The following CD5 variants were observed in gnomAD, a reference collection of about 807,000 sequenced individuals.
The protein encoded by CD5 is CD5 molecule, also known as T-cell surface glycoprotein CD5.
Under a neutral mutation model 60.3 loss-of-function variants are expected in CD5, and 36 were observed. The ratio of observed to expected loss-of-function variants is 0.60; its 90% CI spans 0.46 to 0.79. CD5 has a LOEUF of 0.79. CD5 is among the 30% of genes least tolerant of loss of function. The pLI, the probability that CD5 is intolerant of heterozygous loss-of-function variation, is 0.00. For synonymous variants in CD5, 230 were observed against 257.6 expected, an observed-to-expected ratio of 0.89 and a Z score of 1.03; for missense variants, 540 against 630.6, an observed-to-expected ratio of 0.86 and a Z score of 1.54.
chr11:61,119,516 A>G lies in CD5; in HGVS notation c.746A>G (p.His249Arg). The G allele has an allele frequency of 1.9e-6, 3 of 1,613,982 alleles. No individual in the cohort carries two copies. Among genetic ancestry groups the G allele is most frequent in the Non-Finnish European group, 2.5e-6 (3 of 1,179,984 alleles). ...IQNSSCTSLE[H>R]CFRKIKPQKS... ...AACTCAAGCTGTACCTCCCTGGAGC[A>G]TTGCTTCAGGAAAATCAAGCCCCAG... Residue 249 changes from histidine (H) to arginine (R), a missense_variant, in exon 5 of 11, where the codon CAT becomes CGT. Coordinates refer to ENST00000347785, the MANE Select transcript of CD5 (RefSeq NM_014207.4).
intron 1 of CD5, among the ~76,000 whole-genome samples, chr11:61,103,237 C>G (rs973338270): frequency 6.6e-6 from 1 of 152,244 alleles, no homozygotes; most frequent in Non-Finnish European, 1.5e-5. Context: ...CTCACTCCAG[C>G]CCTGGGTTGT....
chr11:61,106,124 CAAAAAA>C (rs36003583), intron 1 of CD5, among the ~76,000 whole-genome samples: 18 of 81,886 alleles, frequency 2.2e-4, no homozygotes, highest in African/African-American at 7.8e-4. Flanking sequence ...GACTCCATCT[CAAAAAA>C]AAAAAAAAAA....
Position 61,123,907 on chromosome 11 carries a change from T to C in CD5, c.1249T>C (p.Trp417Arg). Reference sequence around the variant, plus strand: ...AGTCCGCCAGAAGAAGCAGCGCCAGTGGATTGGCCCAACGGGAATGAACCA... The same window carrying C: ...AGTCCGCCAGAAGAAGCAGCGCCAGCGGATTGGCCCAACGGGAATGAACCA... ...KKFRQKKQRQWIGPTGMNQNM... is the reference protein window; with the variant it reads ...KKFRQKKQRQRIGPTGMNQNM... Residue 417 changes from tryptophan to arginine, a missense_variant, in exon 8 of 11, where the codon TGG (tryptophan) becomes CGG (arginine). Trp to Arg is a moderately radical substitution (Grantham distance 101). Transcript: ENST00000347785. 1 of 1,597,972 alleles carries C rather than the reference T, an allele frequency of 6.3e-7. No individual in the cohort carries two copies. The highest frequency in any genetic ancestry group is 8.5e-7 in the Non-Finnish European group (1 of 1,170,334).
intron 1 of CD5, among the ~76,000 whole-genome samples, chr11:61,103,609 CTG>C (rs1405608167): frequency 1.4e-5 from 2 of 140,524 alleles, no homozygotes; most frequent in Admixed American, 7.1e-5. Flanking sequence ...CTATGTGTGT[CTG>C]TGTGAGTCTG....
chr11:61,124,391 G>A (rs770749781), intron 8 of CD5, among the ~76,000 whole-genome samples: 3 of 152,146 alleles, frequency 2.0e-5, no homozygotes, highest in East Asian at 1.9e-4. Flanking sequence ...GGGCATTTTT[G>A]TATTGCCCAT....
upstream of CD5, among the ~76,000 whole-genome samples, chr11:61,101,127 ACAT>A (rs1860676111): frequency 9.4e-6 from 1 of 105,994 alleles, no homozygotes; most frequent in African/African-American, 3.4e-5. Flanking sequence ...TCACACACAC[ACAT>A]CAACATGGAG....
chr11:61,099,353 T>C (rs1860624235), upstream of CD5, among the ~76,000 whole-genome samples: 1 of 149,110 alleles, frequency 6.7e-6, no homozygotes. Flanking sequence ...CAAGTCAACA[T>C]GGAGATCACA....
At chr11:61,096,309 A>T in the CD5 span, among the ~76,000 whole-genome samples, 1 of 152,244 alleles carries the variant, frequency 6.6e-6, no homozygotes, top group South Asian at 2.1e-4. Context: ...AGCTTTGTTC[A>T]ATCTGGCTGA....
upstream of CD5, among the ~76,000 whole-genome samples, chr11:61,100,610 A>ACATAT (rs747060629): frequency 2.0e-5 from 1 of 49,114 alleles, no homozygotes; most frequent in Admixed American, 2.3e-4. Context: ...GATCACACAC[A>ACATAT]CAACATGGAG....
At chr11:61,104,649 C>A (rs574403793) in intron 1 of CD5, among the ~76,000 whole-genome samples, 24 of 152,358 alleles carry the variant, frequency 1.6e-4, no homozygotes, top group Non-Finnish European at 2.9e-4. Flanking sequence ...TTCCCAGTGT[C>A]TGAGTGAGCC....
chr11:61,122,294 G>C (rs1234755617), intron 6 of CD5, among the ~76,000 whole-genome samples: 3 of 72,500 alleles, frequency 4.1e-5, no homozygotes, highest in Non-Finnish European at 7.6e-5. Flanking sequence ...ATGGATTGGT[G>C]GGTGGGTGGG....
chr11:61,116,593 T>C (rs1184558560), intron 2 of CD5, among the ~76,000 whole-genome samples: 41 of 12,054 alleles, frequency 3.4e-3, no homozygotes, highest in Admixed American at 6.2e-3. Context: ...ACATGCACAC[T>C]ACACACCACA....
At chr11:61,115,991 C>T (rs973846559) in intron 2 of CD5, among the ~76,000 whole-genome samples, 12 of 152,276 alleles carry the variant, frequency 7.9e-5, no homozygotes, top group African/African-American at 2.9e-4. Flanking sequence ...TGCAAATCAC[C>T]CCACCAATGT....
chr11:61,096,324 C>G, the CD5 span, among the ~76,000 whole-genome samples: 5 of 152,230 alleles, frequency 3.3e-5, no homozygotes, highest in African/African-American at 1.2e-4. Context: ...GGCTGAAGGG[C>G]TACTGGACTG....
At position 61,125,032 on chromosome 11, in the gene CD5, T is replaced by A. The variant is rs780078452; in HGVS notation, c.1280T>A (p.Met427Lys). The A allele has an allele frequency of 1.9e-6, 3 of 1,613,872 alleles. No homozygotes were observed. Among genetic ancestry groups the A allele is most frequent in the Non-Finnish European group, 2.5e-6 (3 of 1,179,954 alleles). Residue 427 changes from methionine to lysine, a missense_variant and splice_region_variant, in exon 9 of 11, where the codon ATG becomes AAG. Met to Lys is a moderately conservative substitution (Grantham distance 95). Coordinates refer to ENST00000347785, the MANE Select transcript of CD5 (RefSeq NM_014207.4). Reference protein sequence around the residue: ...WIGPTGMNQNMSFHRNHTATV... With the variant: ...WIGPTGMNQNKSFHRNHTATV... Reference sequence around the variant, plus strand: ...ACACTGTCTCCTACCATCTGCCCAGTGTCTTTCCATCGCAACCACACGGCA... The same window carrying A: ...ACACTGTCTCCTACCATCTGCCCAGAGTCTTTCCATCGCAACCACACGGCA...
At chr11:61,123,812 T>TGGCCCC in intron 7 of CD5, 72 bp from the exon 8 acceptor site, 3 of 339,970 alleles carry the variant, frequency 8.8e-6, no homozygotes, top group Non-Finnish European at 5.5e-6. Context: ...CCCAGCCCCA[T>TGGCCCC]CCCCACCCCT....
intron 9 of CD5, 57 bp from the exon 10 acceptor site, chr11:61,125,694 C>T: frequency 1.6e-6 from 2 of 1,287,304 alleles, no homozygotes; most frequent in South Asian, 2.6e-5. Flanking sequence ...GCTCTAGGAT[C>T]CAAGGGGCTC....
chr11:61,122,487 GTGGA>G (rs377071919), intron 6 of CD5, among the ~76,000 whole-genome samples: 16 of 150,104 alleles, frequency 1.1e-4, no homozygotes, highest in African/African-American at 2.7e-4. Flanking sequence ...GGATGGGTGA[GTGGA>G]TGGATGGATG....
intron 8 of CD5, among the ~76,000 whole-genome samples, chr11:61,124,582 G>C (rs1034138139): frequency 1.3e-5 from 2 of 152,102 alleles, no homozygotes; most frequent in Admixed American, 1.3e-4. Context: ...CGCTCTTCCT[G>C]CCTCCCATTC....
Sources: allele counts gnomAD v4.1 joint callset (sites outside exome capture counted in the v4.1 genomes callset), GRCh38; gene constraint gnomAD v4.1.1; transcripts MANE v1.5; gene names NCBI Gene and HGNC (gene_info 2026-07-23, HGNC 2026-07-21).